The following NPFFR2 variants were observed in gnomAD, a reference collection of about 807,000 sequenced individuals.
The protein encoded by NPFFR2 is neuropeptide FF receptor 2.
NPFFR2 carries 15 observed loss-of-function variants against 13.1 expected under a neutral mutation model. That is an observed-to-expected ratio of 1.15 (90% CI 0.77 to 1.76). The LOEUF is 1.76. Among genes scored for constraint, NPFFR2 ranks in the 40% most tolerant of loss-of-function variants. The pLI is 0.00. For missense variants in NPFFR2, 572 were observed against 503.5 expected (o/e 1.14, Z -1.30); for synonymous variants, 190 against 175.7 (o/e 1.08, Z -0.65).
chr4:72,097,976 AT>A (rs11476207), intron 1 of NPFFR2, among the ~76,000 whole-genome samples: 144,809 of 152,164 alleles, frequency 0.95, 69,343 homozygotes, highest in East Asian at 1. Flanking sequence ...TACACCACAA[AT>A]TTTTTCTCTA....
intron 1 of NPFFR2, among the ~76,000 whole-genome samples, chr4:72,114,848 C>A (rs1721665627): frequency 6.6e-6 from 1 of 152,068 alleles, no homozygotes; most frequent in South Asian, 2.1e-4. Flanking sequence ...TCTCTGAAGT[C>A]AGACTATCTG....
chr4:72,062,140 T>A (rs1458968851), intron 1 of NPFFR2, among the ~76,000 whole-genome samples: 1 of 152,074 alleles, frequency 6.6e-6, no homozygotes, highest in East Asian at 1.9e-4. Flanking sequence ...CTATTTTAGG[T>A]TTACGTTATG....
At position 72,080,095 on chromosome 4, in the gene NPFFR2, A is replaced by G. The variant is rs116606433; in HGVS notation, c.-8+47895A>G. The stretch of plus-strand genomic sequence containing the variant: ...GGTTTCACAACATAGAGATGTCTCT[A>G]AAGTTCTGGGACCAATTTCTTTTGA... On this transcript the variant is annotated intron_variant, in intron 1 of 3. Coordinates refer to ENST00000308744, the MANE Select transcript of NPFFR2 (RefSeq NM_004885.3). 5.7e-3 allele frequency among the ~76,000 whole-genome samples: 865 copies of G among 152,114 alleles called. 5 individuals are homozygous for G. The highest frequency in any genetic ancestry group is 0.02 in the African/African-American group (833 of 41,532).
At chr4:72,051,292 A>G (rs1160846431) in intron 1 of NPFFR2, among the ~76,000 whole-genome samples, 1 of 152,042 alleles carries the variant, frequency 6.6e-6, no homozygotes, top group Non-Finnish European at 1.5e-5. Flanking sequence ...ATAACAAACT[A>G]TCTCTCAGAC....
intron 1 of NPFFR2, among the ~76,000 whole-genome samples, chr4:72,043,547 G>T (rs1336976968): frequency 6.6e-6 from 1 of 152,210 alleles, no homozygotes; most frequent in Non-Finnish European, 1.5e-5. Flanking sequence ...AGTGTGACCT[G>T]GATGTGAGAC....
At chr4:72,039,429 T>A in intron 1 of NPFFR2, 5 of 977,636 alleles carry the variant, frequency 5.1e-6, no homozygotes, top group Non-Finnish European at 6.1e-6. Context: ...CAATCTTAAT[T>A]GGGTTCTATT....
rs143479133 is a variant in NPFFR2, at chr4:72,120,441, C to G, written c.-7-8144C>G. Among the ~76,000 whole-genome samples the G allele has an allele frequency of 2.0e-3, 303 of 152,312 alleles. 1 individual carries two copies. Among genetic ancestry groups the G allele is most frequent in the Middle Eastern group, 6.8e-3 (2 of 294 alleles). On this transcript the variant is annotated intron_variant, in intron 1 of 3. Transcript: ENST00000308744. Reference sequence around the variant, plus strand: ...ACTGCCTCCTCAAGTGGGTCCCTGACCCCTGAGTCCCCTGACTGGGAGACA... The same window carrying G: ...ACTGCCTCCTCAAGTGGGTCCCTGAGCCCTGAGTCCCCTGACTGGGAGACA...
intron 1 of NPFFR2, among the ~76,000 whole-genome samples, chr4:72,056,173 G>A (rs1719738757): frequency 1.3e-5 from 2 of 151,984 alleles, no homozygotes; most frequent in African/African-American, 4.8e-5. Context: ...AGAAGAAAAT[G>A]CCTGGCTTCA....
At chr4:72,095,834 T>C (rs1034174402) in intron 1 of NPFFR2, among the ~76,000 whole-genome samples, 22 of 152,156 alleles carry the variant, frequency 1.4e-4, no homozygotes, top group African/African-American at 5.3e-4. Flanking sequence ...TCACGGGGCT[T>C]AGCTCATTCT....
At chr4:72,141,591 G>A (rs766537934) in intron 3 of NPFFR2, among the ~76,000 whole-genome samples, 10 of 152,068 alleles carry the variant, frequency 6.6e-5, no homozygotes, top group Non-Finnish European at 1.2e-4. Flanking sequence ...TCTTAATCCT[G>A]AGTTCTAATT....
At chr4:72,078,133 G>A (rs533660214) in intron 1 of NPFFR2, among the ~76,000 whole-genome samples, 76 of 152,180 alleles carry the variant, frequency 5.0e-4, no homozygotes, top group Non-Finnish European at 8.8e-4. Context: ...TGGGTAATCA[G>A]CCATAATTAT....
rs1247112300 is a variant in NPFFR2, at chr4:72,127,610, G to A, written c.-7-975G>A. The stretch of plus-strand genomic sequence containing the variant: ...GATCTCCTGACCTCGTGATCCGCCC[G>A]CCTCGGCCTCCCAAAGTGCTGGGAT... On this transcript the variant is annotated intron_variant, in intron 1 of 3. Transcript: ENST00000308744. 2.7e-4 allele frequency among the ~76,000 whole-genome samples: 40 copies of A among 150,048 alleles called. 1 individual carries two copies. The highest frequency in any genetic ancestry group is 7.9e-4 in the Admixed American group (12 of 15,112).
chr4:72,037,894 A>G (rs1719084907), intron 1 of NPFFR2, among the ~76,000 whole-genome samples: 1 of 152,238 alleles, frequency 6.6e-6, no homozygotes, highest in African/African-American at 2.4e-5. Flanking sequence ...AAAGACCAGC[A>G]TGAGCTTGAC....
rs571608735 is a variant in NPFFR2, at chr4:72,063,268, TTGGCAAAATGAATTTTGCA to T, written c.-8+31078_-8+31096del. On this transcript the variant is annotated intron_variant, in intron 1 of 3. Coordinates refer to ENST00000308744, the MANE Select transcript of NPFFR2 (RefSeq NM_004885.3). Reference sequence around the variant, plus strand: ...AAAACAAGTCTAAAGAATTTATTCATTGGCAAAATGAATTTTGCATGGCAAAATTTTATGGCAAAACATA... The same window carrying T: ...AAAACAAGTCTAAAGAATTTATTCATTGGCAAAATTTTATGGCAAAACATA... Among the ~76,000 whole-genome samples the T allele has an allele frequency of 6.1e-3, 927 of 152,294 alleles. 7 individuals are homozygous for T. The highest frequency in any genetic ancestry group is 0.02 in the African/African-American group (839 of 41,568).
chr4:72,065,073 C>G (rs924318716), intron 1 of NPFFR2, among the ~76,000 whole-genome samples: 1 of 149,862 alleles, frequency 6.7e-6, no homozygotes, highest in Non-Finnish European at 1.5e-5. Context: ...ATAAAACAAC[C>G]AGCACTGGTT....
At chr4:72,055,554 C>CT (rs1226360864) in intron 1 of NPFFR2, among the ~76,000 whole-genome samples, 2 of 151,938 alleles carry the variant, frequency 1.3e-5, no homozygotes, top group Non-Finnish European at 2.9e-5. Flanking sequence ...ACAATGGCCT[C>CT]TAAGTGTTTA....
At chr4:72,076,260 GA>G (rs33991669) in intron 1 of NPFFR2, among the ~76,000 whole-genome samples, 135,689 of 151,778 alleles carry the variant, frequency 0.89, 61,695 homozygotes, top group Non-Finnish European at 0.98. Flanking sequence ...TATGTCTTGG[GA>G]AAAAATAATA....
rs1720837184 is a variant in NPFFR2 at position 72,088,783 on chromosome 4, A to G, written c.-7-39802A>G. Among the ~76,000 whole-genome samples, 8 of 152,182 alleles carry G rather than the reference A, an allele frequency of 5.3e-5. No homozygotes were observed. The South Asian group carries it at 1.7e-3, about 32-fold the overall frequency. The stretch of plus-strand genomic sequence containing the variant: ...CAGCTTGGGGGAAACTACCCCCATG[A>G]TCCAATCACCTTCCACCAGGCCCCT... On this transcript the variant is annotated intron_variant, in intron 1 of 3. Coordinates refer to ENST00000308744, the MANE Select transcript of NPFFR2 (RefSeq NM_004885.3).
chr4:72,124,816 A>G (rs1721988869), intron 1 of NPFFR2, among the ~76,000 whole-genome samples: 2 of 152,060 alleles, frequency 1.3e-5, no homozygotes, highest in South Asian at 4.2e-4. Context: ...AACCATAAAA[A>G]CCCTAGAAGA....
Sources: allele counts gnomAD v4.1 joint callset (sites outside exome capture counted in the v4.1 genomes callset), GRCh38; gene constraint gnomAD v4.1.1; transcripts MANE v1.5; gene names NCBI Gene and HGNC (gene_info 2026-07-23, HGNC 2026-07-21).